Variants in AXDND1 observed in about 807,000 individuals in gnomAD.
The protein encoded by AXDND1 is axonemal dynein light chain domain-containing protein 1.
Under a neutral mutation model 137.5 loss-of-function variants are expected in AXDND1, and 110 were observed. The observed-to-expected ratio is 0.80, with a 90% CI of 0.69 to 0.94. The LOEUF is 0.94. Among genes scored for constraint, AXDND1 ranks in the 40% least tolerant of loss-of-function variants. The pLI is 0.00. For synonymous variants in AXDND1, 414 were observed against 399.7 expected (o/e 1.04, Z -0.43); for missense variants, 1,191 against 1,169.8 (o/e 1.02, Z -0.26).
At chr1:179,410,069 G>A (rs1653630367) in intron 11 of AXDND1, among the ~76,000 whole-genome samples, 1 of 152,092 alleles carries the variant, frequency 6.6e-6, no homozygotes. Flanking sequence ...ATTTGTACAT[G>A]TGTATTCACC....
intron 12 of AXDND1, among the ~76,000 whole-genome samples, chr1:179,424,093 AG>A (rs1303812066): frequency 7.9e-5 from 12 of 152,250 alleles, no homozygotes; most frequent in African/African-American, 2.9e-4. Context: ...TCATATTTAA[AG>A]AACAACTTTG....
At chr1:179,497,479 A>G (rs113968918) in intron 20 of AXDND1, among the ~76,000 whole-genome samples, 20 of 152,264 alleles carry the variant, frequency 1.3e-4, no homozygotes, top group African/African-American at 4.3e-4. Flanking sequence ...AAAACCCTCA[A>G]CAGACTAGAC....
intron 11 of AXDND1, among the ~76,000 whole-genome samples, chr1:179,397,283 CT>C (rs1558119943): frequency 1.3e-5 from 2 of 152,108 alleles, no homozygotes; most frequent in African/African-American, 4.8e-5. Flanking sequence ...GTTGGAATTT[CT>C]TTTTTTAAAG....
At chr1:179,508,087 C>G (rs1668696060) in intron 20 of AXDND1, among the ~76,000 whole-genome samples, 3 of 152,076 alleles carry the variant, frequency 2.0e-5, no homozygotes, top group Non-Finnish European at 4.4e-5. Context: ...AAATCTGGGC[C>G]AGGTACAGTG....
At chr1:179,401,258 C>CA (rs201354000) in intron 11 of AXDND1, among the ~76,000 whole-genome samples, 12,900 of 83,548 alleles carry the variant, frequency 0.15, 1,205 homozygotes, top group African/African-American at 0.23. Context: ...AACTCCATCT[C>CA]AAAAAAAAAA....
chr1:179,522,402 T>C (rs892289174), intron 21 of AXDND1, among the ~76,000 whole-genome samples: 19 of 152,200 alleles, frequency 1.2e-4, no homozygotes, highest in African/African-American at 4.6e-4. Context: ...AGGTTAAGTA[T>C]AACTTTTGTA....
At chr1:179,503,518 T>A (rs557861463) in intron 20 of AXDND1, among the ~76,000 whole-genome samples, 3 of 151,732 alleles carry the variant, frequency 2.0e-5, no homozygotes, top group Non-Finnish European at 4.4e-5. Flanking sequence ...CTCAGACAGG[T>A]TTTTTCAGAC....
intron 15 of AXDND1, among the ~76,000 whole-genome samples, chr1:179,437,586 T>G (rs180786271): frequency 6.6e-6 from 1 of 152,302 alleles, no homozygotes; most frequent in Admixed American, 6.5e-5. Context: ...CCCTTTCTGT[T>G]TATGTATTAA....
intron 5 of AXDND1, 67 bp downstream of exon 5, chr1:179,378,824 AT>A (rs2125074748): frequency 1.6e-6 from 2 of 1,225,750 alleles, no homozygotes; most frequent in Non-Finnish European, 2.1e-6. Flanking sequence ...TTTTAAAATG[AT>A]TTTTAATATA....
At chr1:179,454,155 T>C (rs1660945389) in intron 16 of AXDND1, 1 of 151,548 alleles carries the variant, frequency 6.6e-6, no homozygotes, top group Non-Finnish European at 1.5e-5. Context: ...CCCACCCAGA[T>C]CTCATCTTGA....
chr1:179,469,430 T>C (rs1205869912), intron 17 of AXDND1, among the ~76,000 whole-genome samples: 2 of 152,220 alleles, frequency 1.3e-5, no homozygotes, highest in Non-Finnish European at 2.9e-5. Flanking sequence ...ACTTGGATTG[T>C]TTCCATCTTT....
At chr1:179,459,610 G>A (rs1332688025) in intron 16 of AXDND1, among the ~76,000 whole-genome samples, 1 of 151,822 alleles carries the variant, frequency 6.6e-6, no homozygotes, top group African/African-American at 2.4e-5. Flanking sequence ...TTGAAGAAAT[G>A]TCTTTGGTAT....
At chr1:179,411,384 G>T (rs10798676) in intron 12 of AXDND1, 118 bp downstream of exon 12, 160,089 of 1,350,714 alleles carry the variant, frequency 0.12, 11,475 homozygotes, top group East Asian at 0.35. Context: ...TCACTCTGTT[G>T]CTTAGGCTGG....
intron 23 of AXDND1, among the ~76,000 whole-genome samples, chr1:179,532,046 T>C (rs1396350341): frequency 6.6e-6 from 1 of 152,168 alleles, no homozygotes; most frequent in African/African-American, 2.4e-5. Context: ...GCATGGGGGA[T>C]TGCCATCTGG....
chr1:179,467,271 A>G (rs1242482143), intron 16 of AXDND1, among the ~76,000 whole-genome samples: 2 of 152,204 alleles, frequency 1.3e-5, no homozygotes, highest in African/African-American at 4.8e-5. Context: ...TGAAAGCTAC[A>G]TGGGAAAACA....
At chr1:179,456,309 C>G in intron 16 of AXDND1, 1 of 748,868 alleles carries the variant, frequency 1.3e-6, no homozygotes, top group Admixed American at 1.7e-5. Context: ...GTATTGGCCT[C>G]CACCACCACA....
At chr1:179,388,753 A>AT (rs34937470) in intron 9 of AXDND1, among the ~76,000 whole-genome samples, 18,130 of 139,136 alleles carry the variant, frequency 0.13, 1,279 homozygotes, top group African/African-American at 0.17. Flanking sequence ...ATGCCTGGCT[A>AT]TTTTTTTTTT....
rs1370815265 is a variant in AXDND1 at position 179,445,083 on chromosome 1, A to G, written c.1677A>G (p.Ile559Met). Residue 559 changes from isoleucine (I) to methionine (M), a missense_variant, in exon 16 of 26, where the codon ATA (isoleucine) becomes ATG (methionine). Ile to Met is a conservative substitution (Grantham distance 10). Coordinates refer to ENST00000367618, the MANE Select transcript of AXDND1 (RefSeq NM_144696.6). The stretch of plus-strand genomic sequence containing the variant: ...ACTGGGCAGATATTGGGCTTGGGAT[A>G]TTTAATCGGCATAAAAGTTTGGAGG... ...QENWADIGLG[I>M]FNRHKSLEGE... 2 of 1,613,464 alleles carry G rather than the reference A, an allele frequency of 1.2e-6. No individual in the cohort carries two copies. The highest frequency in any genetic ancestry group is 1.7e-6 in the Non-Finnish European group (2 of 1,179,592).
chr1:179,407,380 A>G (rs1558133348), intron 11 of AXDND1, among the ~76,000 whole-genome samples: 1 of 151,912 alleles, frequency 6.6e-6, no homozygotes, highest in Non-Finnish European at 1.5e-5. Flanking sequence ...GGCGCGTGCC[A>G]CCATGACCGG....
Sources: gnomAD v4.1 joint callset for allele counts (sites outside exome capture counted in the v4.1 genomes callset) on GRCh38, gnomAD v4.1.1 for gene constraint, MANE v1.5 for transcripts, NCBI Gene and HGNC (gene_info 2026-07-23, HGNC 2026-07-21) for gene names.